MIAT: variants seen among roughly 807,000 people sequenced by gnomAD.
MIAT encodes the protein MI related novel mRNA.
downstream of MIAT, chr22:26,674,147 T>C: frequency 2.5e-6 from 1 of 398,578 alleles, no homozygotes; most frequent in Non-Finnish European, 4.4e-6. Context: ...TTCAGAAGGG[T>C]TATAACTCCG....
At chr22:26,647,403 GAGAGAGAGAGAGAGAGAGAGAGAT>G (rs1930253928) in intron 2 of MIAT, 1 of 363,980 alleles carries the variant, frequency 2.7e-6, no homozygotes, top group Non-Finnish European at 4.9e-6. Context: ...GAGAGAGAGA[GAGAGAGAGAGAGAGAGAGAGAGAT>G]TGTGTACAAC....
chr22:26,664,111 A>G (rs1212522734), intron 3 of MIAT, among the ~76,000 whole-genome samples: 1 of 150,274 alleles, frequency 6.7e-6, no homozygotes, highest in East Asian at 2.0e-4. Context: ...TGCTGGGTTC[A>G]AGTGATTCTC....
At chr22:26,662,756 A>G (rs1341935678) in intron 2 of MIAT, among the ~76,000 whole-genome samples, 1 of 152,200 alleles carries the variant, frequency 6.6e-6, no homozygotes, top group African/African-American at 2.4e-5. Context: ...TTCCAGAGTC[A>G]GGGAAAAAGA....
chr22:26,668,296 A>T (rs1384046588), exon 6 of MIAT: 1 of 398,428 alleles, frequency 2.5e-6, no homozygotes, highest in Admixed American at 4.4e-5. Flanking sequence ...CTCCCTGAAG[A>T]TCTCATCCTC....
intron 2 of MIAT, among the ~76,000 whole-genome samples, chr22:26,662,282 G>A (rs1930705082): frequency 6.6e-6 from 1 of 151,944 alleles, no homozygotes; most frequent in Admixed American, 6.6e-5. Flanking sequence ...TACACCCTCT[G>A]CCCCTTTGGG....
At chr22:26,675,211 T>C in exon 5 of MIAT, 3 of 397,926 alleles carry the variant, frequency 7.5e-6, no homozygotes, top group Non-Finnish European at 1.3e-5. Flanking sequence ...CTGGGTGGAG[T>C]GTGGGTGGGG....
chr22:26,657,481 G>C, intron 2 of MIAT: 1 of 398,704 alleles, frequency 2.5e-6, no homozygotes, highest in Non-Finnish European at 4.4e-6. Context: ...GGGCGCTGCA[G>C]CAGCTACAAA....
chr22:26,671,053 C>T (rs1931026682), downstream of MIAT: 2 of 398,182 alleles, frequency 5.0e-6, no homozygotes, highest in Non-Finnish European at 8.8e-6. Flanking sequence ...CTACTAAGCA[C>T]GGTTGTCAGA....
intron 2 of MIAT, among the ~76,000 whole-genome samples, chr22:26,652,419 A>G (rs1392726898): frequency 6.6e-6 from 1 of 151,616 alleles, no homozygotes; most frequent in Non-Finnish European, 1.5e-5. Context: ...TGCAGTGGGC[A>G]TGATCTCACC....
downstream of MIAT, chr22:26,673,184 C>T (rs892359159): frequency 3.0e-5 from 12 of 398,562 alleles, no homozygotes; most frequent in East Asian, 3.6e-4. Context: ...CCCGCAGATG[C>T]TCAGGCCGGC....
At chr22:26,655,584 T>G (rs927242043) in intron 2 of MIAT, among the ~76,000 whole-genome samples, 1 of 152,240 alleles carries the variant, frequency 6.6e-6, no homozygotes, top group Non-Finnish European at 1.5e-5. Context: ...TTATTATCTC[T>G]ACTTTATGGA....
At chr22:26,666,928 A>T (rs1930867701) in exon 4 of MIAT, 1 of 144,454 alleles carries the variant, frequency 6.9e-6, no homozygotes, top group Non-Finnish European at 1.5e-5. Context: ...TGTCGGCTGG[A>T]TGCTGCCAGG....
intron 2 of MIAT, among the ~76,000 whole-genome samples, chr22:26,648,731 G>A (rs1330016774): frequency 2.0e-5 from 3 of 152,308 alleles, no homozygotes; most frequent in African/African-American, 4.8e-5. Flanking sequence ...ATCTGCTCAC[G>A]CAGAAAGAAC....
At chr22:26,663,388 G>A (rs1930737678) in exon 3 of MIAT, 1 of 398,526 alleles carries the variant, frequency 2.5e-6, no homozygotes, top group Admixed American at 4.4e-5. Flanking sequence ...GGCATCACAG[G>A]GGTAACCAAG....
At chr22:26,662,869 A>G (rs1930722672) in intron 2 of MIAT, among the ~76,000 whole-genome samples, 1 of 152,222 alleles carries the variant, frequency 6.6e-6, no homozygotes, top group Non-Finnish European at 1.5e-5. Flanking sequence ...GGAAAAATGA[A>G]TATCTCATGG....
At chr22:26,665,603 T>C in exon 4 of MIAT, 3 of 398,794 alleles carry the variant, frequency 7.5e-6, no homozygotes, top group Non-Finnish European at 1.3e-5. Context: ...ACAACCACAC[T>C]GAGAAGCATC....
chr22:26,672,255 CG>C (rs1286438216), downstream of MIAT: 8 of 399,060 alleles, frequency 2.0e-5, no homozygotes, highest in Non-Finnish European at 3.5e-5. Flanking sequence ...GGGCTCCCCC[CG>C]GGGGCTGGTC....
At chr22:26,666,096 G>T in exon 4 of MIAT, 1 of 398,636 alleles carries the variant, frequency 2.5e-6, no homozygotes, top group African/African-American at 2.1e-5. Flanking sequence ...CTCATCTCCA[G>T]TTCTGGACTC....
chr22:26,652,779 C>T (rs1370957667), intron 2 of MIAT, among the ~76,000 whole-genome samples: 1 of 152,220 alleles, frequency 6.6e-6, no homozygotes, highest in Non-Finnish European at 1.5e-5. Flanking sequence ...AAGAGAGACT[C>T]AGGCTCCCCT....
Sources: allele counts gnomAD v4.1 joint callset (sites outside exome capture counted in the v4.1 genomes callset), GRCh38; gene constraint gnomAD v4.1.1; transcripts MANE v1.5; gene names NCBI Gene and HGNC (gene_info 2026-07-23, HGNC 2026-07-21).